FUT9: variants seen among roughly 807,000 people sequenced by gnomAD.
The protein encoded by FUT9 is 4-galactosyl-N-acetylglucosaminide 3-alpha-L-fucosyltransferase 9.
Under a neutral mutation model 29.7 loss-of-function variants are expected in FUT9, and 15 were observed. The ratio of observed to expected loss-of-function variants is 0.51; its 90% CI spans 0.34 to 0.78. The LOEUF is 0.78. FUT9 is among the 30% of genes least tolerant of loss of function. The probability of loss-of-function intolerance (pLI) is 0.01; values close to 1 mark genes in which losing one functional copy is unlikely to be tolerated. For missense variants in FUT9, 319 were observed against 425.4 expected, an observed-to-expected ratio of 0.75 and a Z score of 2.20; for synonymous variants, 169 against 153.7, an observed-to-expected ratio of 1.10 and a Z score of -0.74.
chr6:96,150,211 T>C (rs1483701217), intron 2 of FUT9, among the ~76,000 whole-genome samples: 1 of 152,180 alleles, frequency 6.6e-6, no homozygotes, highest in Non-Finnish European at 1.5e-5. Context: ...CTGTTTCAGG[T>C]AAAATGACAT....
At chr6:96,133,519 G>A (rs1348094279) in intron 2 of FUT9, among the ~76,000 whole-genome samples, 2 of 151,790 alleles carry the variant, frequency 1.3e-5, no homozygotes, top group Non-Finnish European at 2.9e-5. Context: ...GGTTGGTTAG[G>A]GAACCCTGAC....
In FUT9 at chr6:96,190,553, G is replaced by A. The variant is rs556369725; in HGVS notation, c.-8-12595G>A. On this transcript the variant is annotated intron_variant, in intron 2 of 2. Transcript: ENST00000302103. Reference sequence around the variant, plus strand: ...TCACTTTCACGTATACCAATCAGATGTAGATTTGGTCTTTCCACATAGTCC... The same window carrying A: ...TCACTTTCACGTATACCAATCAGATATAGATTTGGTCTTTCCACATAGTCC... Among the ~76,000 whole-genome samples the A allele has an allele frequency of 2.0e-5, 3 of 152,272 alleles. No homozygotes were observed. In the East Asian group the frequency reaches 5.8e-4, roughly 29 times the overall value.
chr6:96,044,296 C>T (rs1770520564), intron 1 of FUT9, among the ~76,000 whole-genome samples: 1 of 152,114 alleles, frequency 6.6e-6, no homozygotes, highest in Non-Finnish European at 1.5e-5. Flanking sequence ...GACTGTGATT[C>T]TTCATTGAAA....
At chr6:96,179,566 A>G (rs982858874) in intron 2 of FUT9, among the ~76,000 whole-genome samples, 1 of 152,190 alleles carries the variant, frequency 6.6e-6, no homozygotes, top group Non-Finnish European at 1.5e-5. Flanking sequence ...TTTAAGAGGG[A>G]TACTATTCAA....
chr6:96,022,361 C>T (rs899806522), intron 1 of FUT9, among the ~76,000 whole-genome samples: 2 of 152,048 alleles, frequency 1.3e-5, no homozygotes, highest in Non-Finnish European at 2.9e-5. Context: ...TCTTCACCAA[C>T]AGCTTAATTG....
intron 1 of FUT9, among the ~76,000 whole-genome samples, chr6:96,082,876 A>G (rs1771261179): frequency 6.6e-6 from 1 of 151,906 alleles, no homozygotes. Context: ...CATTGGGTTT[A>G]CCTACTTATT....
At chr6:96,047,555 T>C (rs1008141948) in intron 1 of FUT9, among the ~76,000 whole-genome samples, 7 of 152,190 alleles carry the variant, frequency 4.6e-5, no homozygotes, top group Admixed American at 4.6e-4. Context: ...CTGAGATAGT[T>C]AATTACATTC....
intron 1 of FUT9, among the ~76,000 whole-genome samples, chr6:96,089,455 C>T (rs1044561974): frequency 1.3e-5 from 2 of 152,154 alleles, no homozygotes; most frequent in Non-Finnish European, 2.9e-5. Context: ...TCTCCTTTCT[C>T]AAAGAACGTG....
At chr6:96,098,280 G>T (rs1195724893) in intron 1 of FUT9, among the ~76,000 whole-genome samples, 2 of 152,024 alleles carry the variant, frequency 1.3e-5, no homozygotes, top group Admixed American at 1.3e-4. Flanking sequence ...GACACTCAAT[G>T]TTCTTGATTT....
At chr6:96,142,583 A>T in intron 2 of FUT9, among the ~76,000 whole-genome samples, 1 of 152,220 alleles carries the variant, frequency 6.6e-6, no homozygotes, top group East Asian at 1.9e-4. Context: ...ATCCTACATC[A>T]GAGGCTGTCT....
chr6:96,158,766 G>C (rs1772839400), intron 2 of FUT9, among the ~76,000 whole-genome samples: 1 of 152,030 alleles, frequency 6.6e-6, no homozygotes, highest in African/African-American at 2.4e-5. Context: ...TAAAATAAAT[G>C]ACTAAAATTG....
At chr6:96,149,660 C>T (rs1256596837) in intron 2 of FUT9, among the ~76,000 whole-genome samples, 1 of 152,098 alleles carries the variant, frequency 6.6e-6, no homozygotes, top group Non-Finnish European at 1.5e-5. Flanking sequence ...CTGTGCATTC[C>T]ATCAAAAGCA....
At chr6:96,165,077 G>GT (rs1458204293) in intron 2 of FUT9, among the ~76,000 whole-genome samples, 1 of 152,178 alleles carries the variant, frequency 6.6e-6, no homozygotes, top group Non-Finnish European at 1.5e-5. Flanking sequence ...TTAGAGTGAT[G>GT]TAAGTCTTTG....
At chr6:96,069,208 G>A (rs1045338715) in intron 1 of FUT9, among the ~76,000 whole-genome samples, 3 of 151,948 alleles carry the variant, frequency 2.0e-5, no homozygotes, top group Admixed American at 6.6e-5. Flanking sequence ...CCAGCTACTC[G>A]GGAGGCACAG....
intron 2 of FUT9, among the ~76,000 whole-genome samples, chr6:96,188,980 C>T (rs1041764199): frequency 5.9e-5 from 9 of 151,958 alleles, no homozygotes; most frequent in South Asian, 2.1e-4. Flanking sequence ...CAACATTAAT[C>T]GTATACTCAC....
Position 96,103,769 on chromosome 6 carries a change from T to C in FUT9, c.-97-10270T>C, listed in dbSNP as rs576841051. ...TTCATCTTTTTCTTTCCATCTTTTCTTTATTGACGTATATTTGATGGATGA... is the reference window on the plus strand; with the variant it reads ...TTCATCTTTTTCTTTCCATCTTTTCCTTATTGACGTATATTTGATGGATGA... On this transcript the variant is annotated intron_variant, in intron 1 of 2. Transcript: ENST00000302103. 2.0e-5 allele frequency among the ~76,000 whole-genome samples: 3 copies of C among 152,326 alleles called. No homozygotes were observed. In the East Asian group the frequency reaches 5.8e-4, roughly 29 times the overall value.
chr6:96,178,653 T>C (rs1251463380), intron 2 of FUT9, among the ~76,000 whole-genome samples: 1 of 152,208 alleles, frequency 6.6e-6, no homozygotes, highest in Non-Finnish European at 1.5e-5. Context: ...AAACCAGCTC[T>C]AGGCTTTGAA....
chr6:96,032,336 A>T (rs6908022), intron 1 of FUT9, among the ~76,000 whole-genome samples: 135,191 of 151,566 alleles, frequency 0.89, 60,498 homozygotes, highest in African/African-American at 0.96. Context: ...TTTTAAATTA[A>T]GTGACTTAAT....
chr6:96,146,839 T>A (rs577198615), intron 2 of FUT9, among the ~76,000 whole-genome samples: 1 of 152,146 alleles, frequency 6.6e-6, no homozygotes, highest in Non-Finnish European at 1.5e-5. Flanking sequence ...CAAGCCAAGG[T>A]TTTATTGCTG....
Sources: gnomAD v4.1 joint callset for allele counts (sites outside exome capture counted in the v4.1 genomes callset) on GRCh38, gnomAD v4.1.1 for gene constraint, MANE v1.5 for transcripts, NCBI Gene and HGNC (gene_info 2026-07-23, HGNC 2026-07-21) for gene names.